The following ALPK2 variants were observed in gnomAD, a reference collection of about 807,000 sequenced individuals.
The protein encoded by ALPK2 is alpha kinase 2.
A neutral mutation model predicts 163.1 loss-of-function variants in ALPK2; 127 were observed. The ratio of observed to expected loss-of-function variants is 0.78; its 90% confidence interval spans 0.67 to 0.90. The LOEUF (loss-of-function observed/expected upper bound fraction) is 0.90, where lower values mean the gene tolerates loss of function less well. Among genes scored for constraint, ALPK2 ranks in the 40% least tolerant of loss-of-function variants. ALPK2 has a pLI of 0.00. For synonymous variants in ALPK2, 953 were observed against 959.1 expected (o/e 0.99, Z 0.12); for missense variants, 2,360 against 2,589.6 (o/e 0.91, Z 1.92).
rs1348565819 is a variant in ALPK2 at position 58,580,404 on chromosome 18, A to G, written c.372T>C (p.Gly124=). 27 of 1,613,660 alleles carry G rather than the reference A, an allele frequency of 1.7e-5. No individual in the cohort carries two copies. The highest frequency in any genetic ancestry group is 2.2e-5 in the Non-Finnish European group (26 of 1,179,974). The change falls in exon 4 of 13, where the codon GGT becomes GGC. Residue 124 remains glycine (G), a synonymous_variant. Transcript: ENST00000361673. ...SPNLEDDRDR[G]WKHETGTHEE... ...CATGTGTCCCTGTTTCATGTTTCCA[A>G]CCCCTGTCCCTGTCATCTTCCAGGT... is the stretch of plus-strand genomic sequence containing the variant.
intron 4 of ALPK2, among the ~76,000 whole-genome samples, chr18:58,541,506 T>G (rs1165891675): frequency 6.6e-6 from 1 of 152,248 alleles, no homozygotes; most frequent in Admixed American, 6.5e-5. Flanking sequence ...CTCTTACTTT[T>G]AAATTAAAAT....
chr18:58,568,440 AGCTCCATATGG>A (rs1248175233), intron 4 of ALPK2, among the ~76,000 whole-genome samples: 3 of 152,156 alleles, frequency 2.0e-5, no homozygotes, highest in Non-Finnish European at 4.4e-5. Context: ...CCCAGGATTT[AGCTCCATATGG>A]GCTCCAGGAC....
chr18:58,518,330 C>T (rs905068174), intron 8 of ALPK2, among the ~76,000 whole-genome samples: 2 of 152,128 alleles, frequency 1.3e-5, no homozygotes, highest in South Asian at 2.1e-4. Context: ...ATTAAGGTCT[C>T]GGCCTAATTA....
chr18:58,552,291 G>A (rs975682706), intron 4 of ALPK2, among the ~76,000 whole-genome samples: 10 of 152,166 alleles, frequency 6.6e-5, no homozygotes, highest in African/African-American at 2.2e-4. Context: ...AATTTTTCAC[G>A]TTTCTGTCTT....
rs181390899 is a variant in ALPK2, at chr18:58,564,281, C to T, written c.1962+14533G>A. The stretch of plus-strand genomic sequence containing the variant: ...GGGATTACAGACATGCGCTACCACA[C>T]CCAGCTAATTTTGTATTTTTAGTAG... On this transcript the variant is annotated intron_variant, in intron 4 of 12. Coordinates refer to ENST00000361673, the MANE Select transcript of ALPK2 (RefSeq NM_052947.4). Among the ~76,000 whole-genome samples the T allele has an allele frequency of 2.0e-5, 3 of 151,886 alleles. No homozygotes were observed. In the South Asian group the frequency reaches 6.3e-4, roughly 32 times the overall value.
At chr18:58,567,868 G>C (rs1490737505) in intron 4 of ALPK2, among the ~76,000 whole-genome samples, 5 of 152,122 alleles carry the variant, frequency 3.3e-5, no homozygotes, top group African/African-American at 7.2e-5. Context: ...GTGTGTCTAA[G>C]GGCAGGTTGA....
Position 58,580,214 on chromosome 18 carries a change from C to T in ALPK2, c.562G>A (p.Glu188Lys). ...GTTCCTTTAACACCCAAAGGATTTT[C>T]AGAACTGGACACACTAATGTCAAGA... ...GNLDISVSSS[E>K]NPLGVKGTRH... Residue 188 changes from glutamate to lysine, a missense_variant, in exon 4 of 13, where the codon GAA becomes AAA. By Grantham distance (56) the Glu-to-Lys change is moderately conservative (BLOSUM62 1). Transcript: ENST00000361673. The T allele has an allele frequency of 6.2e-7, 1 of 1,614,202 alleles. No homozygotes were observed. Among genetic ancestry groups the T allele is most frequent in the Non-Finnish European group, 8.5e-7 (1 of 1,180,036 alleles).
intron 4 of ALPK2, chr18:58,578,587 C>G (rs887084097): frequency 8.5e-6 from 4 of 470,212 alleles, no homozygotes; most frequent in Non-Finnish European, 1.1e-5. Flanking sequence ...ATTAGGATGG[C>G]TTAGGGTTTA....
At chr18:58,618,479 C>G (rs779600745) in intron 1 of ALPK2, among the ~76,000 whole-genome samples, 7 of 152,190 alleles carry the variant, frequency 4.6e-5, no homozygotes, top group Non-Finnish European at 8.8e-5. Flanking sequence ...CACTCAGTAG[C>G]TGATCATCTC....
chr18:58,496,028 G>A (rs1396107004), intron 12 of ALPK2, among the ~76,000 whole-genome samples: 2 of 152,138 alleles, frequency 1.3e-5, no homozygotes, highest in Non-Finnish European at 1.5e-5. Context: ...CATAAATAGG[G>A]CACCATATAA....
intron 4 of ALPK2, among the ~76,000 whole-genome samples, chr18:58,542,236 TC>T (rs1294906402): frequency 1.3e-5 from 2 of 152,214 alleles, no homozygotes; most frequent in Non-Finnish European, 2.9e-5. Context: ...TGTCTCCTCC[TC>T]TAAGACTAAC....
Position 58,575,428 on chromosome 18 carries a change from G to T in ALPK2, c.1962+3386C>A, listed in dbSNP as rs181462114. ...CTTAGTGCTGATTCCTGATCAGGAAGATTCTTAATTACCAGAGCCCAAGAA... is the reference window on the plus strand; with the variant it reads ...CTTAGTGCTGATTCCTGATCAGGAATATTCTTAATTACCAGAGCCCAAGAA... On this transcript the variant is annotated intron_variant, in intron 4 of 12. Coordinates refer to ENST00000361673, the MANE Select transcript of ALPK2 (RefSeq NM_052947.4). Among the ~76,000 whole-genome samples the T allele has an allele frequency of 6.6e-5, 10 of 152,246 alleles. No homozygotes were observed. The East Asian group carries it at 1.7e-3, about 26-fold the overall frequency.
intron 1 of ALPK2, among the ~76,000 whole-genome samples, chr18:58,625,227 C>A (rs1602245448): frequency 6.6e-6 from 1 of 151,768 alleles, no homozygotes; most frequent in African/African-American, 2.4e-5. Context: ...GACCATTAGC[C>A]TCAGCATATT....
At chr18:58,519,795 G>A (rs1312989661) in intron 8 of ALPK2, among the ~76,000 whole-genome samples, 1 of 152,190 alleles carries the variant, frequency 6.6e-6, no homozygotes, top group African/African-American at 2.4e-5. Context: ...AGACTCTGTA[G>A]CTCTGCAGAA....
chr18:58,603,185 T>C (rs2052080132), intron 3 of ALPK2, among the ~76,000 whole-genome samples: 1 of 152,248 alleles, frequency 6.6e-6, no homozygotes. Context: ...AACCCTCTCT[T>C]GGGGTCTGGA....
At chr18:58,621,575 T>C (rs2052200515) in intron 1 of ALPK2, among the ~76,000 whole-genome samples, 2 of 151,866 alleles carry the variant, frequency 1.3e-5, no homozygotes, top group African/African-American at 4.8e-5. Context: ...CAGGCCAATG[T>C]GATCACTTCT....
intron 4 of ALPK2, among the ~76,000 whole-genome samples, chr18:58,553,981 C>A (rs934424695): frequency 6.7e-6 from 1 of 149,636 alleles, no homozygotes. Context: ...CCTGCCTCAG[C>A]CTCCTGAGTA....
chr18:58,529,033 C>T (rs748446594), intron 6 of ALPK2, 58 bp downstream of exon 6: 166 of 1,601,740 alleles, frequency 1.0e-4, no homozygotes, highest in Non-Finnish European at 1.4e-4. Flanking sequence ...TTTTTACAAC[C>T]ATGTTGTGAA....
At chr18:58,530,818 T>G (rs1366703639) in intron 5 of ALPK2, among the ~76,000 whole-genome samples, 1 of 152,162 alleles carries the variant, frequency 6.6e-6, no homozygotes, top group African/African-American at 2.4e-5. Flanking sequence ...TTTTCTTCCG[T>G]GTGCAGGTTG....
Sources: gnomAD v4.1 joint callset for allele counts (sites outside exome capture counted in the v4.1 genomes callset) on GRCh38, gnomAD v4.1.1 for gene constraint, MANE v1.5 for transcripts, NCBI Gene and HGNC (gene_info 2026-07-23, HGNC 2026-07-21) for gene names.